GUCA1A: variants seen among roughly 807,000 people sequenced by gnomAD.
GUCA1A encodes the protein guanylyl cyclase-activating protein 1.
A neutral mutation model predicts 18.5 loss-of-function variants in GUCA1A; 14 were observed. The ratio of observed to expected loss-of-function variants is 0.76; its 90% CI spans 0.50 to 1.18. GUCA1A has a LOEUF of 1.18. GUCA1A is among the 50% of genes most tolerant of loss of function. The pLI is 0.00. For synonymous variants in GUCA1A, 97 were observed against 100.2 expected, an observed-to-expected ratio of 0.97 and a Z score of 0.19; for missense variants, 264 against 262.4, an observed-to-expected ratio of 1.01 and a Z score of -0.04.
Position 42,173,588 on chromosome 6 carries a change from A to G in GUCA1A, c.-26A>G, listed in dbSNP as rs6937603. 0.026 allele frequency: 42,090 copies of G among 1,592,506 alleles called. 8,388 individuals carry two copies. The African/African-American group carries it at 0.46, about 17-fold the overall frequency. On this transcript the variant is annotated 5_prime_UTR_variant, in exon 1 of 4. Transcript: ENST00000372958. ...AGCGAACAGGGCCTGTCCATCTCAGACGTCAGCCCCCTGAAGGCCTGAGCA... is the reference window on the plus strand; with the variant it reads ...AGCGAACAGGGCCTGTCCATCTCAGGCGTCAGCCCCCTGAAGGCCTGAGCA...
In GUCA1A at chr6:42,173,429, C is replaced by A. The variant is rs1767859951; in HGVS notation, c.-185C>A. On this transcript the variant is annotated 5_prime_UTR_variant, in exon 1 of 4. Transcript: ENST00000372958. The stretch of plus-strand genomic sequence containing the variant: ...TTGAGTGTGGGCCATCATCTTCTTC[C>A]TTCTGCTCTCTCCCTCTCCACATTT... 7 of 643,210 alleles carry A rather than the reference C, an allele frequency of 1.1e-5. No homozygotes were observed. Among genetic ancestry groups the A allele is most frequent in the Non-Finnish European group, 2.0e-5 (7 of 356,730 alleles). 39.8% of individuals were successfully genotyped at this position (643,210 alleles called of 1,614,324 possible).
chr6:42,176,021 A>G (rs1767951181), intron 1 of GUCA1A, among the ~76,000 whole-genome samples: 1 of 152,138 alleles, frequency 6.6e-6, no homozygotes, highest in Non-Finnish European at 1.5e-5. Flanking sequence ...TACCAGATTT[A>G]AATAACATTT....
rs764696192 is a variant in GUCA1A, at chr6:42,178,846, A to G, written c.396A>G (p.Ala132=). The G allele has an allele frequency of 1.2e-6, 2 of 1,614,088 alleles. No homozygotes were observed. The highest frequency in any genetic ancestry group is 1.1e-5 in the South Asian group (1 of 91,082). ...INPCSDTTMT[A]EEFTDTVFSK... ...CCTGCAGCGATACCACCATGACTGC[A>G]GAGGAGTTCACCGATACAGTGTTCT... Residue 132 remains alanine, a synonymous_variant, in exon 3 of 4, where the codon GCA becomes GCG. Transcript: ENST00000372958.
At position 42,178,282 on chromosome 6, in the gene GUCA1A, C is replaced by T. The variant is rs776251040; in HGVS notation, c.204C>T (p.Asp68=). The T allele has an allele frequency of 3.1e-6, 5 of 1,613,768 alleles. No individual in the cohort carries two copies. The highest frequency in any genetic ancestry group is 2.2e-5 in the South Asian group (2 of 91,082). ...CGGCGGCCGCGCCCCTCGCCCAGGA[C>T]GGCTACATTGATTTCATGGAGTACG... is the stretch of plus-strand genomic sequence containing the variant. The part of the protein sequence containing the change: ...QMFETFDFNK[D]GYIDFMEYVA... The change falls in exon 2 of 4, where the codon GAC becomes GAT. Residue 68 remains aspartate (D), a splice_region_variant and synonymous_variant. Coordinates refer to ENST00000372958, the MANE Select transcript of GUCA1A (RefSeq NM_001384910.1).
chr6:42,178,672 G>A, intron 2 of GUCA1A, 130 bp from the exon 3 acceptor site: 2 of 847,824 alleles, frequency 2.4e-6, no homozygotes, highest in Non-Finnish European at 2.1e-6. Flanking sequence ...CTCTGCCTAG[G>A]CCCCCGGGTA....
At chr6:42,173,842 G>T in intron 1 of GUCA1A, 28 bp downstream of exon 1, 5 of 1,562,892 alleles carry the variant, frequency 3.2e-6, no homozygotes, top group Non-Finnish European at 4.4e-6. Flanking sequence ...GGCAGGGAGG[G>T]GAAGTGCTGG....
Position 42,178,277 on chromosome 6 carries a change from C to T in GUCA1A, c.202-3C>T. ...GCTCACGGCGGCCGCGCCCCTCGCC[C>T]AGGACGGCTACATTGATTTCATGGA... is the stretch of plus-strand genomic sequence containing the variant. On this transcript the variant is annotated splice_region_variant and splice_polypyrimidine_tract_variant and intron_variant, in intron 1 of 3. Transcript: ENST00000372958. 1 of 1,613,606 alleles carries T rather than the reference C, an allele frequency of 6.2e-7. No homozygotes were observed. The highest frequency in any genetic ancestry group is 8.5e-7 in the Non-Finnish European group (1 of 1,180,002).
chr6:42,178,139 C>A, intron 1 of GUCA1A, 141 bp from the exon 2 acceptor site: 1 of 973,616 alleles, frequency 1.0e-6, no homozygotes, highest in Non-Finnish European at 1.6e-6. Context: ...CCCCTCGCTG[C>A]ATCTCCGAGG....
At chr6:42,178,751 A>C in intron 2 of GUCA1A, 51 bp from the exon 3 acceptor site, 1 of 1,354,464 alleles carries the variant, frequency 7.4e-7, no homozygotes, top group Non-Finnish European at 1.1e-6. Context: ...CCTACCCCTG[A>C]GATAGGATAA....
chr6:42,177,944 T>C (rs926327982), intron 1 of GUCA1A, among the ~76,000 whole-genome samples: 1 of 152,216 alleles, frequency 6.6e-6, no homozygotes, highest in Non-Finnish European at 1.5e-5. Flanking sequence ...GGCTCATGCT[T>C]GACAATCACA....
At chr6:42,175,746 T>C (rs1418409847) in intron 1 of GUCA1A, among the ~76,000 whole-genome samples, 3 of 152,102 alleles carry the variant, frequency 2.0e-5, no homozygotes, top group Non-Finnish European at 4.4e-5. Flanking sequence ...TGAAAGTAAA[T>C]CAACCCCTTG....
At chr6:42,175,832 CT>C (rs1767945813) in intron 1 of GUCA1A, among the ~76,000 whole-genome samples, 1 of 152,200 alleles carries the variant, frequency 6.6e-6, no homozygotes, top group Non-Finnish European at 1.5e-5. Context: ...CTGGGACCCT[CT>C]CTGCCCCCAG....
rs1768063680 is a variant in GUCA1A at position 42,179,517 on chromosome 6, C to T, written c.*114C>T. 1.1e-6 allele frequency: 1 copy of T among 889,094 alleles called. No homozygotes were observed. Among genetic ancestry groups the T allele is most frequent in the South Asian group, 1.8e-5 (1 of 54,672 alleles). The allele number at this position is 889,094 out of a possible 1,614,324, so 55.1% of individuals were successfully genotyped here. On this transcript the variant is annotated 3_prime_UTR_variant, in exon 4 of 4. Transcript: ENST00000372958. ...CTAATGAACTCAGAGGCTTAGCTCGCCTCTTTAGGGTCCATGGTGGCAGCA... is the reference window on the plus strand; with the variant it reads ...CTAATGAACTCAGAGGCTTAGCTCGTCTCTTTAGGGTCCATGGTGGCAGCA...
At chr6:42,173,899 A>G in intron 1 of GUCA1A, 85 bp downstream of exon 1, 1 of 993,204 alleles carries the variant, frequency 1.0e-6, no homozygotes, top group Non-Finnish European at 1.6e-6. Flanking sequence ...GGAAGAGCAG[A>G]GAGGAGCATA....
At chr6:42,177,055 G>T (rs1323361913) in intron 1 of GUCA1A, among the ~76,000 whole-genome samples, 1 of 152,198 alleles carries the variant, frequency 6.6e-6, no homozygotes, top group East Asian at 1.9e-4. Flanking sequence ...TACAGAGTGT[G>T]ACTGGGGAGT....
intron 1 of GUCA1A, among the ~76,000 whole-genome samples, chr6:42,174,990 G>C (rs946306972): frequency 2.0e-5 from 3 of 152,308 alleles, no homozygotes; most frequent in South Asian, 4.2e-4. Context: ...AGTAGATTAC[G>C]GGCTTTGAGT....
chr6:42,175,644 C>CGT (rs1767939637), intron 1 of GUCA1A, among the ~76,000 whole-genome samples: 1 of 152,114 alleles, frequency 6.6e-6, no homozygotes, highest in South Asian at 2.1e-4. Context: ...GGATTACAGG[C>CGT]GTGAGCCACC....
At position 42,179,234 on chromosome 6, in the gene GUCA1A, C is replaced by T. The variant is rs1768048538; in HGVS notation, c.446-9C>T. 1.2e-6 allele frequency: 2 copies of T among 1,612,288 alleles called. No individual in the cohort carries two copies. The highest frequency in any genetic ancestry group is 1.7e-6 in the Non-Finnish European group (2 of 1,178,444). On this transcript the variant is annotated splice_polypyrimidine_tract_variant and intron_variant, in intron 3 of 3. Coordinates refer to ENST00000372958, the MANE Select transcript of GUCA1A (RefSeq NM_001384910.1). ...CTCCTCCCCCTGATTCCCTTTCTCT[C>T]TACCCCAGGGGAACTCTCCCTGGAA...
rs999979808 is a variant in GUCA1A at position 42,178,153 on chromosome 6, C to T, written c.202-127C>T. 9 of 1,111,180 alleles carry T rather than the reference C, an allele frequency of 8.1e-6. No individual in the cohort carries two copies. In the South Asian group the frequency reaches 1.0e-4, roughly 12 times the overall value. 68.8% of individuals were successfully genotyped at this position (1,111,180 alleles called of 1,614,324 possible). ...CCCCCTCGCTGCATCTCCGAGGGTC[C>T]GGGTCTCCCCTCAGCGTCTCTTGGG... On this transcript the variant is annotated intron_variant, in intron 1 of 3. Transcript: ENST00000372958.
Sources: gnomAD v4.1 joint callset for allele counts (sites outside exome capture counted in the v4.1 genomes callset) on GRCh38, gnomAD v4.1.1 for gene constraint, MANE v1.5 for transcripts, NCBI Gene and HGNC (gene_info 2026-07-23, HGNC 2026-07-21) for gene names.